The following CD1B variants were observed in gnomAD, a reference collection of about 807,000 sequenced individuals.
The protein encoded by CD1B is T-cell surface glycoprotein CD1b.
Under a neutral mutation model 39.8 loss-of-function variants are expected in CD1B, and 43 were observed. That is an observed-to-expected ratio of 1.08 (90% CI 0.85 to 1.39). The LOEUF (loss-of-function observed/expected upper bound fraction) is 1.39. Ranked by LOEUF, CD1B falls within the 40% of genes most tolerant of loss-of-function variation. The pLI is 0.00. For missense variants in CD1B, 495 were observed against 403.8 expected (o/e 1.23, Z -1.94); for synonymous variants, 192 against 152.5 (o/e 1.26, Z -1.91).
chr1:158,292,272 G>A, the CD1B span: 216 of 1,614,072 alleles, frequency 1.3e-4, no homozygotes, highest in Admixed American at 3.3e-4. Context: ...GTATGAAGGC[G>A]TCACAGAAAC....
Position 158,328,134 on chromosome 1 carries a change from C to G in CD1B, c.*102G>C. 1.1e-6 allele frequency: 1 copy of G among 917,644 alleles called. No individual in the cohort carries two copies. The highest frequency in any genetic ancestry group is 1.7e-6 in the Non-Finnish European group (1 of 579,892). 56.8% of individuals were successfully genotyped at this position (917,644 alleles called of 1,614,324 possible). ...AAATACATGAAAACTCTGATTTCAT[C>G]AAATTTGAAAATCATTTGAAATATG... On this transcript the variant is annotated 3_prime_UTR_variant, in exon 6 of 6. Transcript: ENST00000368168.
the CD1B span, chr1:158,293,158 T>G: frequency 1.5e-6 from 2 of 1,320,692 alleles, no homozygotes; most frequent in Admixed American, 3.7e-5. Flanking sequence ...ATAGATGGAA[T>G]AGAATCAGCA....
At chr1:158,316,805 A>G in the CD1B span, among the ~76,000 whole-genome samples, 9 of 151,964 alleles carry the variant, frequency 5.9e-5, no homozygotes, top group East Asian at 1.7e-3. Flanking sequence ...TGTCATAGAT[A>G]GCTCTTATTA....
At chr1:158,299,665 C>T in the CD1B span, among the ~76,000 whole-genome samples, 1 of 152,148 alleles carries the variant, frequency 6.6e-6, no homozygotes, top group African/African-American at 2.4e-5. Context: ...AATTTCAGAG[C>T]CTGTTATTGG....
chr1:158,328,803 G>T (rs1385370111), intron 5 of CD1B, 118 bp downstream of exon 5: 2 of 707,994 alleles, frequency 2.8e-6, no homozygotes, highest in African/African-American at 1.8e-5. Flanking sequence ...TTTGGGGAAA[G>T]GATATGGTGA....
chr1:158,322,680 C>T, the CD1B span, among the ~76,000 whole-genome samples: 1 of 152,082 alleles, frequency 6.6e-6, no homozygotes, highest in Non-Finnish European at 1.5e-5. Context: ...TCTTGTAAGA[C>T]AGATCTGGTG....
chr1:158,312,436 T>G, the CD1B span, among the ~76,000 whole-genome samples: 2 of 152,354 alleles, frequency 1.3e-5, no homozygotes, highest in East Asian at 3.9e-4. Flanking sequence ...CTCTTTCTTT[T>G]GTAAATTATC....
chr1:158,330,753 G>A (rs905148305), intron 2 of CD1B, 43 bp downstream of exon 2: 52 of 1,590,946 alleles, frequency 3.3e-5, no homozygotes, highest in Non-Finnish European at 4.4e-5. Flanking sequence ...AGAGAGAAAA[G>A]AGAGTCCTTG....
At chr1:158,316,287 G>A in the CD1B span, among the ~76,000 whole-genome samples, 1 of 152,008 alleles carries the variant, frequency 6.6e-6, no homozygotes, top group African/African-American at 2.4e-5. Flanking sequence ...TCCTACCCAT[G>A]AGCATGGAAT....
rs1397772026 is a variant in CD1B, at chr1:158,328,161, T to A, written c.*75A>T. 1 of 1,059,452 alleles carries A rather than the reference T, an allele frequency of 9.4e-7. No homozygotes were observed. The highest frequency in any genetic ancestry group is 2.4e-5 in the East Asian group (1 of 42,034). The allele number at this position is 1,059,452 out of a possible 1,614,324, so 65.6% of individuals were successfully genotyped here. A position where few individuals can be genotyped will look rare whatever the true frequency, so the allele number is the denominator to read the frequency against. On this transcript the variant is annotated 3_prime_UTR_variant, in exon 6 of 6. Transcript: ENST00000368168. ...AATTTGAAAATCATTTGAAATATGA[T>A]AAGATTGACTTTTGGGCTGATATCT...
At chr1:158,303,503 G>T in the CD1B span, among the ~76,000 whole-genome samples, 3 of 152,088 alleles carry the variant, frequency 2.0e-5, no homozygotes, top group African/African-American at 7.2e-5. Context: ...CAGACAATAT[G>T]AATCTATACC....
chr1:158,309,403 C>A, the CD1B span, among the ~76,000 whole-genome samples: 6 of 152,138 alleles, frequency 3.9e-5, no homozygotes, highest in African/African-American at 1.4e-4. Context: ...CTAGTTCAGC[C>A]ATTGTGGAGG....
chr1:158,331,186 A>T lies in CD1B; in HGVS notation c.62-124T>A, dbSNP rs148424559. The stretch of plus-strand genomic sequence containing the variant: ...GAGTCTAAAGAACACAGGAAGTCTG[A>T]CACATTTGACTGCCTTAAGGCTTCA... On this transcript the variant is annotated intron_variant, in intron 1 of 5. Transcript: ENST00000368168. 7.0e-3 allele frequency: 8,097 copies of T among 1,161,686 alleles called. 53 individuals carry two copies. The highest frequency in any genetic ancestry group is 0.011 in the Middle Eastern group (37 of 3,332). 72.0% of individuals were successfully genotyped at this position (1,161,686 alleles called of 1,614,324 possible).
At chr1:158,298,309 A>G in the CD1B span, among the ~76,000 whole-genome samples, 1 of 152,192 alleles carries the variant, frequency 6.6e-6, no homozygotes, top group Non-Finnish European at 1.5e-5. Flanking sequence ...AGACTTCAAC[A>G]CCCAACTGAC....
At chr1:158,309,202 C>A in the CD1B span, among the ~76,000 whole-genome samples, 25 of 152,204 alleles carry the variant, frequency 1.6e-4, no homozygotes, top group East Asian at 2.9e-3. Flanking sequence ...AAAAGAAGAC[C>A]TTTATGCAGC....
the CD1B span, among the ~76,000 whole-genome samples, chr1:158,322,331 G>A: frequency 1.3e-5 from 2 of 152,054 alleles, no homozygotes; most frequent in Non-Finnish European, 2.9e-5. Context: ...CTGCCTCCTA[G>A]GCTCAAGGAA....
the CD1B span, among the ~76,000 whole-genome samples, chr1:158,288,075 T>C: frequency 6.6e-6 from 1 of 152,220 alleles, no homozygotes. Context: ...AATAAACACA[T>C]AATGTGGTAT....
chr1:158,331,175 C>G (rs1652588051), intron 1 of CD1B, 113 bp from the exon 2 acceptor site: 7 of 1,236,818 alleles, frequency 5.7e-6, no homozygotes, highest in Non-Finnish European at 6.8e-6. Flanking sequence ...CTAAAGAACA[C>G]AGGAAGTCTG....
At chr1:158,329,700 G>A in intron 3 of CD1B, 52 bp from the exon 4 acceptor site, 2 of 1,590,852 alleles carry the variant, frequency 1.3e-6, no homozygotes, top group Non-Finnish European at 8.6e-7. Context: ...GAGTTCAGAG[G>A]TTATGAACTC....
Sources: gnomAD v4.1 joint callset for allele counts (sites outside exome capture counted in the v4.1 genomes callset) on GRCh38, gnomAD v4.1.1 for gene constraint, MANE v1.5 for transcripts, NCBI Gene and HGNC (gene_info 2026-07-23, HGNC 2026-07-21) for gene names.